Variants in NLRC5 observed in about 807,000 individuals in gnomAD.
The protein encoded by NLRC5 is protein NLRC5.
Under a neutral mutation model 206.9 loss-of-function variants are expected in NLRC5, and 114 were observed. The ratio of observed to expected loss-of-function variants is 0.55; its 90% CI spans 0.47 to 0.64. The LOEUF (loss-of-function observed/expected upper bound fraction) is 0.64, where lower values mean the gene tolerates loss of function less well. NLRC5 is among the 30% of genes least tolerant of loss of function. The pLI, the probability that NLRC5 is intolerant of heterozygous loss-of-function variation, is 0.00. For synonymous variants in NLRC5, 952 were observed against 962.8 expected (o/e 0.99, Z 0.21); for missense variants, 2,008 against 2,305.5 (o/e 0.87, Z 2.64).
intron 30 of NLRC5, among the ~76,000 whole-genome samples, chr16:57,060,727 A>C (rs1181994983): frequency 1.3e-5 from 2 of 152,100 alleles, no homozygotes; most frequent in Non-Finnish European, 2.9e-5. Flanking sequence ...GCCTCTGCTC[A>C]CACCGCACTC....
At chr16:57,066,331 A>C (rs2067083102) in intron 33 of NLRC5, among the ~76,000 whole-genome samples, 1 of 152,048 alleles carries the variant, frequency 6.6e-6, no homozygotes, top group East Asian at 1.9e-4. Context: ...AAGAAAGAGA[A>C]AAATTGTTGA....
At position 57,046,543 on chromosome 16, in the gene NLRC5, C is replaced by T. The variant is rs375785082; in HGVS notation, c.3249-9C>T. The stretch of plus-strand genomic sequence containing the variant: ...CTGAACTTTCCTTTCTAAATGATCC[C>T]CCTCCTAGGGATATGTGGGCCACTG... On this transcript the variant is annotated splice_polypyrimidine_tract_variant and intron_variant, in intron 21 of 48. Transcript: ENST00000688547. 1 of 1,612,352 alleles carries T rather than the reference C, an allele frequency of 6.2e-7. No individual in the cohort carries two copies. The highest frequency in any genetic ancestry group is 8.5e-7 in the Non-Finnish European group (1 of 1,178,616).
intron 1 of NLRC5, among the ~76,000 whole-genome samples, chr16:57,002,064 C>G (rs1401283902): frequency 2.0e-5 from 3 of 152,220 alleles, no homozygotes; most frequent in African/African-American, 7.2e-5. Context: ...CCATCCATGT[C>G]CTTGCAAATG....
intron 5 of NLRC5, among the ~76,000 whole-genome samples, chr16:57,024,799 C>T (rs2142995800): frequency 6.6e-6 from 1 of 152,280 alleles, no homozygotes; most frequent in African/African-American, 2.4e-5. Context: ...CAGTTGAGCC[C>T]AGGAATTCAA....
Position 57,077,706 on chromosome 16 carries a change from C to T in NLRC5, c.4920-13C>T, listed in dbSNP as rs2145089329. On this transcript the variant is annotated splice_polypyrimidine_tract_variant and intron_variant, in intron 41 of 48. Coordinates refer to ENST00000688547, the MANE Select transcript of NLRC5 (RefSeq NM_001384950.1). The stretch of plus-strand genomic sequence containing the variant: ...GGGCATCAGAGGACCTGATGGCTGC[C>T]CCCCTCCCACAGCCTCTCAGGGAAT... The T allele has an allele frequency of 6.4e-7, 1 of 1,555,776 alleles. No homozygotes were observed. The highest frequency in any genetic ancestry group is 8.7e-7 in the Non-Finnish European group (1 of 1,148,670).
intron 3 of NLRC5, 181 bp downstream of exon 3, chr16:57,021,188 T>C (rs752265314): frequency 4.3e-5 from 25 of 585,488 alleles, no homozygotes; most frequent in Non-Finnish European, 6.9e-5. Context: ...TGCTGGGGCC[T>C]GGAGGACCCC....
intron 2 of NLRC5, among the ~76,000 whole-genome samples, chr16:57,020,457 CT>C (rs2060539386): frequency 7.2e-6 from 1 of 138,646 alleles, no homozygotes; most frequent in Non-Finnish European, 1.6e-5. Flanking sequence ...CCCAGCTCCC[CT>C]GTCCCCCAGT....
At position 57,051,596 on chromosome 16, in the gene NLRC5, C is replaced by G; in HGVS notation, c.3481C>G (p.Gln1161Glu). 1 of 1,613,958 alleles carries G rather than the reference C, an allele frequency of 6.2e-7. No individual in the cohort carries two copies. Among genetic ancestry groups the G allele is most frequent in the Non-Finnish European group, 8.5e-7 (1 of 1,179,822 alleles). The change falls in exon 24 of 49, where the codon CAA becomes GAA. Residue 1161 changes from glutamine (Q) to glutamate (E), a missense_variant. Gln to Glu is a conservative substitution (Grantham distance 29). Transcript: ENST00000688547. ...SLETLLDCLPQLPQLSLLQLS... is the reference protein window; with the variant it reads ...SLETLLDCLPELPQLSLLQLS... ...GGAGACTCTACTGGACTGCTTACCT[C>G]AACTCCCTCAGCTGAGCCTGCTGCA...
At chr16:57,023,749 G>C (rs753074340) in intron 4 of NLRC5, 36 bp from the exon 5 acceptor site, 39 of 1,586,358 alleles carry the variant, frequency 2.5e-5, no homozygotes, top group Non-Finnish European at 3.3e-5. Context: ...CAGATCCCCA[G>C]ACCCCACTCC....
At chr16:57,042,923 G>T (rs951356127) in intron 19 of NLRC5, among the ~76,000 whole-genome samples, 1 of 152,144 alleles carries the variant, frequency 6.6e-6, no homozygotes, top group Non-Finnish European at 1.5e-5. Flanking sequence ...AAGGAAGGAA[G>T]GTCTAACCAT....
intron 38 of NLRC5, among the ~76,000 whole-genome samples, chr16:57,073,924 C>T (rs111555359): frequency 0.032 from 4,913 of 152,308 alleles, 274 homozygotes; most frequent in African/African-American, 0.11. Context: ...GAACTCGTGC[C>T]AGTCCCTCAG....
chr16:57,059,502 C>T lies in NLRC5; in HGVS notation c.3956C>T (p.Ser1319Phe). 6.2e-7 allele frequency: 1 copy of T among 1,612,098 alleles called. No individual in the cohort carries two copies. Among genetic ancestry groups the T allele is most frequent in the Non-Finnish European group, 8.5e-7 (1 of 1,179,144 alleles). Residue 1319 changes from serine to phenylalanine, a missense_variant, in exon 30 of 49, where the codon TCC becomes TTC. Ser to Phe is a radical substitution (Grantham distance 155). Transcript: ENST00000688547. ...GAGCAGAGCTTCCGGATTCACTTCT[C>T]CAGAGAGGACCAGGCTGGGAAGACA... is the stretch of plus-strand genomic sequence containing the variant. ...GSEQSFRIHFSREDQAGKTLR... is the reference protein window; with the variant it reads ...GSEQSFRIHFFREDQAGKTLR...
chr16:57,024,322 G>A (rs1395653178), intron 5 of NLRC5, among the ~76,000 whole-genome samples: 2 of 152,184 alleles, frequency 1.3e-5, no homozygotes, highest in Admixed American at 1.3e-4. Context: ...AGAGAAGAAA[G>A]GGGACTTCTC....
intron 21 of NLRC5, among the ~76,000 whole-genome samples, chr16:57,046,240 T>C (rs909284459): frequency 2.6e-5 from 4 of 152,220 alleles, no homozygotes; most frequent in African/African-American, 9.6e-5. Flanking sequence ...TGCCAAGCAG[T>C]GGTCAGAGAG....
At chr16:57,012,920 G>T (rs2059654026) in intron 1 of NLRC5, among the ~76,000 whole-genome samples, 1 of 152,026 alleles carries the variant, frequency 6.6e-6, no homozygotes, top group Non-Finnish European at 1.5e-5. Flanking sequence ...ATGCTATGTG[G>T]CTGTGTTTTT....
intron 23 of NLRC5, among the ~76,000 whole-genome samples, chr16:57,051,067 C>G (rs1201783827): frequency 6.6e-5 from 10 of 152,066 alleles, no homozygotes; most frequent in African/African-American, 2.4e-4. Context: ...CCATGTTGCC[C>G]AGGCTGGTCC....
chr16:57,074,153 A>G, intron 38 of NLRC5: 1 of 161,584 alleles, frequency 6.2e-6, no homozygotes, highest in Admixed American at 5.9e-5. Context: ...GTTGGGGCTC[A>G]GGAATGGGAG....
chr16:57,016,277 T>C (rs9937672), intron 1 of NLRC5, among the ~76,000 whole-genome samples: 1 of 152,204 alleles, frequency 6.6e-6, no homozygotes, highest in Non-Finnish European at 1.5e-5. Context: ...CCAGGACCTC[T>C]TCAAAAGATC....
At chr16:57,039,591 C>G (rs1225286280) in intron 15 of NLRC5, among the ~76,000 whole-genome samples, 190 bp from the exon 16 acceptor site, 2 of 151,964 alleles carry the variant, frequency 1.3e-5, no homozygotes, top group Admixed American at 1.3e-4. Flanking sequence ...ATGGCACAAG[C>G]CTGTAATCCC....
Sources: allele counts gnomAD v4.1 joint callset (sites outside exome capture counted in the v4.1 genomes callset), GRCh38; gene constraint gnomAD v4.1.1; transcripts MANE v1.5; gene names NCBI Gene and HGNC (gene_info 2026-07-23, HGNC 2026-07-21).